Variants in QPCT observed in about 807,000 individuals in gnomAD.
QPCT encodes glutaminyl-peptide cyclotransferase.
QPCT carries 44 observed loss-of-function variants against 43.4 expected under a neutral mutation model. The ratio of observed to expected loss-of-function variants is 1.01; its 90% CI spans 0.80 to 1.30. The LOEUF (loss-of-function observed/expected upper bound fraction) is 1.30, where lower values mean the gene tolerates loss of function less well. Ranked by LOEUF, QPCT falls within the 50% of genes most tolerant of loss-of-function variation. The pLI is 0.00. For missense variants in QPCT, 526 were observed against 436.5 expected (o/e 1.21, Z -1.83); for synonymous variants, 168 against 168.4 (o/e 1.00, Z 0.02).
chr2:37,360,125 GA>G, intron 3 of QPCT: 1 of 424,294 alleles, frequency 2.4e-6, no homozygotes, highest in South Asian at 2.9e-5. Flanking sequence ...ATTTCTTTGT[GA>G]AAAATGAAGG....
chr2:37,352,464 C>T (rs527311027), intron 1 of QPCT, among the ~76,000 whole-genome samples: 7 of 152,192 alleles, frequency 4.6e-5, no homozygotes, highest in African/African-American at 1.2e-4. Flanking sequence ...GCTAGAACAA[C>T]GGGCATGCAC....
chr2:37,359,044 A>G (rs6730342), intron 2 of QPCT, among the ~76,000 whole-genome samples: 5,964 of 152,266 alleles, frequency 0.039, 148 homozygotes, highest in Non-Finnish European at 0.058. Context: ...GGTTTACTTA[A>G]TTTTTTAAAT....
At chr2:37,352,030 A>C (rs1247640220) in intron 1 of QPCT, among the ~76,000 whole-genome samples, 2 of 120,576 alleles carry the variant, frequency 1.7e-5, no homozygotes, top group Middle Eastern at 4.1e-3. Flanking sequence ...CCCCAACTTC[A>C]AAAAAAAAAA....
At chr2:37,348,247 A>C (rs1293398825) in intron 1 of QPCT, among the ~76,000 whole-genome samples, 2 of 152,198 alleles carry the variant, frequency 1.3e-5, no homozygotes, top group Non-Finnish European at 1.5e-5. Context: ...TCCATTTTAC[A>C]GATATGGACT....
At chr2:37,367,484 A>T in intron 4 of QPCT, 76 bp downstream of exon 4, 1 of 1,432,060 alleles carries the variant, frequency 7.0e-7, no homozygotes, top group Non-Finnish European at 9.5e-7. Flanking sequence ...AGCCAAGTAA[A>T]GACCTAAAAA....
At chr2:37,360,887 T>C (rs187631796) in intron 3 of QPCT, among the ~76,000 whole-genome samples, 221 of 152,338 alleles carry the variant, frequency 1.5e-3, no homozygotes, top group Admixed American at 2.2e-3. Flanking sequence ...TGCAAAAGTC[T>C]AATTTTTCAT....
chr2:37,361,054 GAGTT>G lies in QPCT; in HGVS notation c.546+1198_546+1201del, dbSNP rs201615541. On this transcript the variant is annotated intron_variant, in intron 3 of 6. Coordinates refer to ENST00000338415, the MANE Select transcript of QPCT (RefSeq NM_012413.4). ...GAAATATTAATAGAAAGGTCTGAAT[GAGTT>G]ATTGGATTGGGGTCATCATTAAAAA... 5.0e-3 allele frequency among the ~76,000 whole-genome samples: 757 copies of G among 152,130 alleles called. 7 individuals are homozygous for G. Among genetic ancestry groups the G allele is most frequent in the African/African-American group, 0.018 (727 of 41,514 alleles).
chr2:37,357,632 G>A (rs1010527482), intron 2 of QPCT, among the ~76,000 whole-genome samples: 1 of 152,188 alleles, frequency 6.6e-6, no homozygotes, highest in African/African-American at 2.4e-5. Flanking sequence ...GGTACTGCAT[G>A]CACAATGCTA....
At chr2:37,353,820 A>G (rs529561417) in intron 2 of QPCT, among the ~76,000 whole-genome samples, 6 of 152,160 alleles carry the variant, frequency 3.9e-5, no homozygotes, top group African/African-American at 1.2e-4. Context: ...CTTGGCACCC[A>G]CTGCTGTGCC....
chr2:37,369,649 G>T, intron 4 of QPCT, 36 bp from the exon 5 acceptor site: 1 of 1,441,016 alleles, frequency 6.9e-7, no homozygotes, highest in Non-Finnish European at 9.8e-7. Context: ...AACACGTTTT[G>T]GTGATGGTGA....
intron 3 of QPCT, among the ~76,000 whole-genome samples, chr2:37,364,359 C>T: frequency 6.7e-6 from 1 of 148,822 alleles, no homozygotes; most frequent in East Asian, 1.9e-4. Flanking sequence ...CCCAAGATAA[C>T]AAACAGATAG....
At chr2:37,367,759 C>T (rs942287835) in intron 4 of QPCT, among the ~76,000 whole-genome samples, 2 of 151,992 alleles carry the variant, frequency 1.3e-5, no homozygotes, top group Admixed American at 6.6e-5. Context: ...ATCTTAGCTA[C>T]TCAAGAGGCT....
Position 37,352,987 on chromosome 2 carries a change from A to G in QPCT, c.267+52A>G, listed in dbSNP as rs368418728. The stretch of plus-strand genomic sequence containing the variant: ...GCTTGTGTGAATACTGTGCTTTCTC[A>G]TGAGGGATAATGTTATGGCTGAAGT... On this transcript the variant is annotated intron_variant, in intron 2 of 6. Transcript: ENST00000338415. 8 of 1,567,966 alleles carry G rather than the reference A, an allele frequency of 5.1e-6. No individual in the cohort carries two copies. The African/African-American group carries it at 1.1e-4, about 21-fold the overall frequency.
At chr2:37,359,486 A>G (rs1672819311) in intron 2 of QPCT, 94 bp from the exon 3 acceptor site, 8 of 1,202,350 alleles carry the variant, frequency 6.7e-6, no homozygotes, top group Middle Eastern at 2.1e-4. Context: ...TCCAATTTTA[A>G]TTTGAAAGGC....
chr2:37,371,431 C>CAAAAAAAAAAAAAA (rs3050580), intron 5 of QPCT, among the ~76,000 whole-genome samples: 1 of 69,366 alleles, frequency 1.4e-5, no homozygotes, highest in Admixed American at 1.9e-4. Flanking sequence ...GACTCCATCT[C>CAAAAAAAAAAAAAA]AAAAAAAAAA....
intron 2 of QPCT, among the ~76,000 whole-genome samples, chr2:37,354,247 T>C (rs1215399690): frequency 6.6e-6 from 1 of 152,230 alleles, no homozygotes; most frequent in Non-Finnish European, 1.5e-5. Flanking sequence ...CATTAGCCTT[T>C]TGTCTTCCAT....
chr2:37,356,433 G>T (rs903998938), intron 2 of QPCT, among the ~76,000 whole-genome samples: 1 of 152,138 alleles, frequency 6.6e-6, no homozygotes, highest in Admixed American at 6.5e-5. Context: ...CGGCACTCCT[G>T]GAGGGTCCAG....
intron 3 of QPCT, among the ~76,000 whole-genome samples, chr2:37,364,421 G>T (rs1451761249): frequency 6.6e-6 from 1 of 152,186 alleles, no homozygotes; most frequent in African/African-American, 2.4e-5. Context: ...GAGGGCTCCG[G>T]AAGGGCCCAT....
chr2:37,345,098 G>A lies in QPCT; in HGVS notation c.120+247G>A, dbSNP rs371277161. The stretch of plus-strand genomic sequence containing the variant: ...TGGGTGATGTCACTGGCCTCTCCTG[G>A]GCTGCGGTCTGATGGGGGTGCTGAT... On this transcript the variant is annotated intron_variant, in intron 1 of 6. Coordinates refer to ENST00000338415, the MANE Select transcript of QPCT (RefSeq NM_012413.4). Among the ~76,000 whole-genome samples the A allele has an allele frequency of 1.5e-3, 235 of 152,334 alleles. 2 individuals are homozygous for A. The highest frequency in any genetic ancestry group is 5.5e-3 in the African/African-American group (229 of 41,586).
Sources: gnomAD v4.1 joint callset for allele counts (sites outside exome capture counted in the v4.1 genomes callset) on GRCh38, gnomAD v4.1.1 for gene constraint, MANE v1.5 for transcripts, NCBI Gene and HGNC (gene_info 2026-07-23, HGNC 2026-07-21) for gene names.